Variants in CNTN5 observed in about 807,000 individuals in gnomAD.
CNTN5 encodes contactin-5.
Under a neutral mutation model 129.1 loss-of-function variants are expected in CNTN5, and 77 were observed. The observed-to-expected ratio is 0.60, with a 90% CI of 0.50 to 0.72. CNTN5 has a LOEUF of 0.72. Among genes scored for constraint, CNTN5 ranks in the 30% least tolerant of loss-of-function variants. CNTN5 has a pLI of 0.00. For missense variants in CNTN5, 1,478 were observed against 1,328.8 expected, an observed-to-expected ratio of 1.11 and a Z score of -1.75; for synonymous variants, 509 against 465.6, an observed-to-expected ratio of 1.09 and a Z score of -1.20.
At chr11:100,230,894 T>C (rs1949472851) in intron 16 of CNTN5, among the ~76,000 whole-genome samples, 1 of 152,242 alleles carries the variant, frequency 6.6e-6, no homozygotes, top group Admixed American at 6.5e-5. Context: ...AATTGTAAGA[T>C]GAAATTGTAT....
Position 99,088,650 on chromosome 11 carries a change from G to A in CNTN5, c.-210+67380G>A, listed in dbSNP as rs368636793. On this transcript the variant is annotated intron_variant, in intron 1 of 24. Coordinates refer to ENST00000524871, the MANE Select transcript of CNTN5 (RefSeq NM_014361.4). ...TGCCTCCCAATAAAGAGTGGCAAACGCATATGTTATGTAAGACCTGTACAT... is the reference window on the plus strand; with the variant it reads ...TGCCTCCCAATAAAGAGTGGCAAACACATATGTTATGTAAGACCTGTACAT... 5.9e-5 allele frequency among the ~76,000 whole-genome samples: 9 copies of A among 152,206 alleles called. No homozygotes were observed. In the East Asian group the frequency reaches 1.4e-3, roughly 23 times the overall value.
chr11:99,702,938 G>A lies in CNTN5; in HGVS notation c.56-116606G>A, dbSNP rs117573069. On this transcript the variant is annotated intron_variant, in intron 3 of 24. Transcript: ENST00000524871. The stretch of plus-strand genomic sequence containing the variant: ...AATTAATGAAGTATATAAGGATGAA[G>A]TGTGTTGAAACTTTCTTTCCCTTTT... 3.2e-3 allele frequency among the ~76,000 whole-genome samples: 478 copies of A among 151,062 alleles called. 18 individuals are homozygous for A. The East Asian group carries it at 0.075, about 24-fold the overall frequency.
At chr11:99,122,208 C>G (rs1858376123) in intron 1 of CNTN5, among the ~76,000 whole-genome samples, 3 of 152,010 alleles carry the variant, frequency 2.0e-5, no homozygotes, top group African/African-American at 7.2e-5. Context: ...AAGGTCCATA[C>G]AGAGATTTAC....
intron 13 of CNTN5, among the ~76,000 whole-genome samples, chr11:100,112,619 A>T (rs1241385238): frequency 6.6e-6 from 1 of 152,168 alleles, no homozygotes; most frequent in Non-Finnish European, 1.5e-5. Flanking sequence ...AAACATAGGC[A>T]GCCATGTTTC....
At chr11:100,092,345 G>T (rs1386325534) in intron 13 of CNTN5, among the ~76,000 whole-genome samples, 1 of 152,126 alleles carries the variant, frequency 6.6e-6, no homozygotes, top group Non-Finnish European at 1.5e-5. Flanking sequence ...CATCTGCAAA[G>T]CCTCTGTGGG....
intron 6 of CNTN5, among the ~76,000 whole-genome samples, chr11:99,862,440 C>A (rs1393405100): frequency 6.6e-6 from 1 of 151,916 alleles, no homozygotes; most frequent in East Asian, 1.9e-4. Flanking sequence ...AATTGCTTTT[C>A]TCATTCATGG....
rs1212762538 is a variant in CNTN5 at position 100,357,299 on chromosome 11, C to T, written c.*1079C>T. The T allele has an allele frequency of 6.6e-6, 1 of 151,750 alleles. No individual in the cohort carries two copies. The highest frequency in any genetic ancestry group is 1.5e-5 in the Non-Finnish European group (1 of 67,796). The allele number at this position is 151,750 out of a possible 1,614,324, so 9.4% of individuals were successfully genotyped here. A position where few individuals can be genotyped will look rare whatever the true frequency, so the allele number is the denominator to read the frequency against. On this transcript the variant is annotated 3_prime_UTR_variant, in exon 25 of 25. Transcript: ENST00000524871. ...ATAAAATCAACTAGTAAAATAAAGA[C>T]AGTCTTTCTTGGATAAATTGAATTT...
chr11:100,112,350 T>G (rs1263453910), intron 13 of CNTN5, among the ~76,000 whole-genome samples: 2 of 152,160 alleles, frequency 1.3e-5, no homozygotes, highest in Non-Finnish European at 2.9e-5. Flanking sequence ...ATTCAGAGTT[T>G]GTTTTTTTAC....
chr11:99,943,260 T>A lies in CNTN5; in HGVS notation c.674-13546T>A, dbSNP rs149300433. ...GCATGAGATGGTGTCTCATTGTGGT[T>A]TTGATTTGCCCTTGTCTGATAACCA... On this transcript the variant is annotated intron_variant, in intron 7 of 24. Transcript: ENST00000524871. 7.3e-4 allele frequency among the ~76,000 whole-genome samples: 111 copies of A among 152,284 alleles called. No homozygotes were observed. The South Asian group carries it at 0.011, about 14-fold the overall frequency.
rs138326497 is a variant in CNTN5, at chr11:100,155,560, G to T, written c.1581-35566G>T. On this transcript the variant is annotated intron_variant, in intron 13 of 24. Transcript: ENST00000524871. ...AGTTTTTTCTAATTCTGGGAAGAAAGTCAGTGGTAGCTTGATGGGGATAGC... is the reference window on the plus strand; with the variant it reads ...AGTTTTTTCTAATTCTGGGAAGAAATTCAGTGGTAGCTTGATGGGGATAGC... Among the ~76,000 whole-genome samples the T allele has an allele frequency of 8.4e-3, 1,286 of 152,194 alleles. 10 individuals carry two copies. The highest frequency in any genetic ancestry group is 0.013 in the Non-Finnish European group (895 of 67,992).
chr11:100,160,508 T>G (rs915070797), intron 13 of CNTN5, among the ~76,000 whole-genome samples: 2 of 151,894 alleles, frequency 1.3e-5, no homozygotes, highest in African/African-American at 4.8e-5. Flanking sequence ...TGTTTATGAT[T>G]CCCAGTAGAA....
At chr11:99,409,526 C>T (rs1942292942) in intron 2 of CNTN5, among the ~76,000 whole-genome samples, 1 of 152,072 alleles carries the variant, frequency 6.6e-6, no homozygotes, top group African/African-American at 2.4e-5. Context: ...TATTCTGATA[C>T]AAAACTTTTT....
chr11:99,700,199 C>A (rs1319469570), intron 3 of CNTN5, among the ~76,000 whole-genome samples: 16 of 151,430 alleles, frequency 1.1e-4, no homozygotes. Flanking sequence ...TCTAATGGAG[C>A]AAGTTTTCTT....
chr11:99,794,690 T>C (rs1945870734), intron 3 of CNTN5, among the ~76,000 whole-genome samples: 1 of 152,212 alleles, frequency 6.6e-6, no homozygotes, highest in South Asian at 2.1e-4. Context: ...ATGCTTAGTT[T>C]GGCTGGATAT....
At chr11:99,833,650 G>A (rs2135626616) in intron 4 of CNTN5, among the ~76,000 whole-genome samples, 1 of 152,244 alleles carries the variant, frequency 6.6e-6, no homozygotes, top group African/African-American at 2.4e-5. Context: ...TTGTTGAGGT[G>A]CAATCTTATT....
chr11:99,316,041 T>C (rs1024529130), intron 1 of CNTN5, among the ~76,000 whole-genome samples: 2 of 152,084 alleles, frequency 1.3e-5, no homozygotes, highest in African/African-American at 4.8e-5. Flanking sequence ...GTTCTTTAAT[T>C]TGGATGATAA....
intron 2 of CNTN5, among the ~76,000 whole-genome samples, chr11:99,369,925 A>T (rs1312371153): frequency 6.6e-6 from 1 of 152,186 alleles, no homozygotes; most frequent in Non-Finnish European, 1.5e-5. Context: ...TGAAGAAAAA[A>T]GTTAAAACTT....
intron 3 of CNTN5, among the ~76,000 whole-genome samples, chr11:99,622,922 G>C (rs1188815124): frequency 6.6e-6 from 1 of 151,810 alleles, no homozygotes; most frequent in African/African-American, 2.4e-5. Flanking sequence ...ACATTACTGG[G>C]ACCCTACACA....
At chr11:99,899,883 T>A (rs979152936) in intron 6 of CNTN5, among the ~76,000 whole-genome samples, 1 of 151,958 alleles carries the variant, frequency 6.6e-6, no homozygotes, top group African/African-American at 2.4e-5. Context: ...GTTAGGAGAT[T>A]TTTTCTTATT....
Sources: allele counts gnomAD v4.1 joint callset (sites outside exome capture counted in the v4.1 genomes callset), GRCh38; gene constraint gnomAD v4.1.1; transcripts MANE v1.5; gene names NCBI Gene and HGNC (gene_info 2026-07-23, HGNC 2026-07-21).